RPS6KA2: variants seen among roughly 807,000 people sequenced by gnomAD.
RPS6KA2 encodes ribosomal protein S6 kinase alpha-2.
RPS6KA2 carries 42 observed loss-of-function variants against 91.8 expected under a neutral mutation model. The observed-to-expected ratio is 0.46, with a 90% CI of 0.36 to 0.59. The LOEUF (loss-of-function observed/expected upper bound fraction) is 0.59. Among genes scored for constraint, RPS6KA2 ranks in the 20% least tolerant of loss-of-function variants. The probability of loss-of-function intolerance (pLI) is 0.00; values close to 1 mark genes in which losing one functional copy is unlikely to be tolerated. For synonymous variants in RPS6KA2, 414 were observed against 393.6 expected (o/e 1.05, Z -0.61); for missense variants, 798 against 978.5 (o/e 0.82, Z 2.46).
chr6:166,508,084 C>A lies in RPS6KA2; in HGVS notation c.459+119G>T. On this transcript the variant is annotated intron_variant, in intron 5 of 20. Transcript: ENST00000265678. The surrounding 1 kb of genome is among the most constrained non-coding windows in gnomAD (Gnocchi z 4.3). ...ACACTCACACATGCACACACCCCCA[C>A]ACACACACACGCACTCTCGCACGTG... 1.5e-6 allele frequency: 1 copy of A among 654,720 alleles called. No individual in the cohort carries two copies. The highest frequency in any genetic ancestry group is 2.8e-6 in the Non-Finnish European group (1 of 361,650). 40.6% of individuals were successfully genotyped at this position (654,720 alleles called of 1,614,324 possible).
At chr6:166,736,877 T>G (rs1413494917) in intron 2 of RPS6KA2, among the ~76,000 whole-genome samples, 1 of 152,008 alleles carries the variant, frequency 6.6e-6, no homozygotes, top group Non-Finnish European at 1.5e-5. Context: ...ACCATCCAGC[T>G]GCCAGTCATG....
chr6:166,682,719 C>T (rs1202924521), intron 2 of RPS6KA2, among the ~76,000 whole-genome samples: 15 of 152,212 alleles, frequency 9.9e-5, no homozygotes, highest in African/African-American at 1.7e-4. Flanking sequence ...GCTCATTCAT[C>T]GGAAACCATG....
chr6:166,743,077 T>C (rs1555061), intron 2 of RPS6KA2, among the ~76,000 whole-genome samples: 70,037 of 152,096 alleles, frequency 0.46, 20,216 homozygotes, highest in African/African-American at 0.83. Flanking sequence ...CTGCAACACA[T>C]ACACAAACTA....
At chr6:166,453,642 C>T (rs368562352) in intron 12 of RPS6KA2, among the ~76,000 whole-genome samples, 36 of 152,274 alleles carry the variant, frequency 2.4e-4, no homozygotes, top group Middle Eastern at 6.8e-3. Flanking sequence ...AAAAACAGTA[C>T]GGAAATTTCT....
intron 13 of RPS6KA2, among the ~76,000 whole-genome samples, chr6:166,449,865 A>G (rs1403141672): frequency 7.7e-5 from 10 of 130,038 alleles, no homozygotes; most frequent in African/African-American, 2.4e-4. Context: ...CACCATGGGA[A>G]CCACCACGCG....
intron 11 of RPS6KA2, among the ~76,000 whole-genome samples, chr6:166,468,333 C>T (rs1408814112): frequency 2.6e-5 from 4 of 152,140 alleles, no homozygotes; most frequent in East Asian, 1.9e-4. Flanking sequence ...ATCTTACTTT[C>T]GAAAAGAAGT....
At chr6:166,839,680 C>CAGGGCAGGGCAGGGGAGGGGAGGGG (rs1562465693) in intron 2 of RPS6KA2, among the ~76,000 whole-genome samples, 1 of 708 alleles carries the variant, frequency 1.4e-3, no homozygotes, top group East Asian at 0.071. Context: ...GAAATCAGAG[C>CAGGGCAGGGCAGGGGAGGGGAGGGG]AGGAGAGGAG....
At chr6:166,519,697 T>C (rs1782780139) in intron 3 of RPS6KA2, among the ~76,000 whole-genome samples, 1 of 152,200 alleles carries the variant, frequency 6.6e-6, no homozygotes, top group Admixed American at 6.5e-5. Context: ...TTTGTGAGAT[T>C]ATCCTGGCAG....
intron 2 of RPS6KA2, among the ~76,000 whole-genome samples, chr6:166,755,724 A>G (rs1228065684): frequency 1.3e-5 from 2 of 152,202 alleles, no homozygotes; most frequent in Admixed American, 6.5e-5. Context: ...GTTTACTGAC[A>G]TCTTTCGGAC....
chr6:166,550,563 G>T (rs969488345), intron 1 of RPS6KA2, among the ~76,000 whole-genome samples: 1 of 152,156 alleles, frequency 6.6e-6, no homozygotes, highest in Non-Finnish European at 1.5e-5. Flanking sequence ...GAACATGGAC[G>T]CCTGCAATAT....
intron 2 of RPS6KA2, among the ~76,000 whole-genome samples, chr6:166,709,561 T>A (rs1361906514): frequency 6.6e-6 from 1 of 152,258 alleles, no homozygotes; most frequent in Non-Finnish European, 1.5e-5. Flanking sequence ...ATTCTTTACA[T>A]CATCTTTCTT....
At chr6:166,670,002 AACTGC>A in intron 2 of RPS6KA2, among the ~76,000 whole-genome samples, 1 of 152,350 alleles carries the variant, frequency 6.6e-6, no homozygotes, top group Admixed American at 6.5e-5. Context: ...GCAGGTTCAG[AACTGC>A]AGCCTTTCCA....
At chr6:166,756,863 T>C (rs1047967834) in intron 2 of RPS6KA2, among the ~76,000 whole-genome samples, 6 of 151,898 alleles carry the variant, frequency 4.0e-5, no homozygotes, top group African/African-American at 1.4e-4. Flanking sequence ...TAAAATAAAA[T>C]AAAAATAAAT....
At position 166,704,746 on chromosome 6, in the gene RPS6KA2, TG is replaced by T. The variant is rs1583035084; in HGVS notation, c.123+153453del. ...CTCCTCGCTGGCGTCACTGCATTTT[TG>T]CAAAGCCTGTAACTGTCCTGTCTGC... On this transcript the variant is annotated intron_variant, in intron 2 of 21. Transcript: ENST00000503859. Among the ~76,000 whole-genome samples the T allele has an allele frequency of 2.0e-5, 3 of 152,350 alleles. No homozygotes were observed. In the East Asian group the frequency reaches 5.8e-4, roughly 29 times the overall value.
intron 2 of RPS6KA2, among the ~76,000 whole-genome samples, chr6:166,535,509 T>C (rs186561243): frequency 6.6e-6 from 1 of 152,346 alleles, no homozygotes; most frequent in African/African-American, 2.4e-5. Flanking sequence ...AATCATAACC[T>C]ACAGTTCATT....
chr6:166,833,575 T>C (rs1189542756), intron 2 of RPS6KA2, among the ~76,000 whole-genome samples: 1 of 152,198 alleles, frequency 6.6e-6, no homozygotes, highest in Non-Finnish European at 1.5e-5. Flanking sequence ...AGCCCACACA[T>C]CCTGGACACC....
chr6:166,528,316 G>A (rs902548036), intron 3 of RPS6KA2, among the ~76,000 whole-genome samples: 1 of 152,056 alleles, frequency 6.6e-6, no homozygotes, highest in Admixed American at 6.5e-5. Context: ...CAAGAAATGG[G>A]GAAAGGATTC....
At chr6:166,414,804 C>G (rs1778442083) in intron 19 of RPS6KA2, among the ~76,000 whole-genome samples, 1 of 152,238 alleles carries the variant, frequency 6.6e-6, no homozygotes, top group Non-Finnish European at 1.5e-5. Context: ...TTGGCTCATG[C>G]CTGTAATCCT....
intron 2 of RPS6KA2, among the ~76,000 whole-genome samples, chr6:166,675,044 G>C (rs151155495): frequency 4.8e-4 from 73 of 152,332 alleles, no homozygotes; most frequent in African/African-American, 1.7e-3. Flanking sequence ...GTGAGCTGCA[G>C]TGCACCAAAC....
Sources: allele counts gnomAD v4.1 joint callset (sites outside exome capture counted in the v4.1 genomes callset), GRCh38; gene constraint gnomAD v4.1.1; non-coding constraint Gnocchi (gnomAD v3.1); transcripts MANE v1.5; gene names NCBI Gene and HGNC (gene_info 2026-07-23, HGNC 2026-07-21).